The following VDAC2 variants were observed in gnomAD, a reference collection of about 807,000 sequenced individuals.
The protein encoded by VDAC2 is voltage dependent anion channel 2.
Under a neutral mutation model 36.6 loss-of-function variants are expected in VDAC2, and 6 were observed. The ratio of observed to expected loss-of-function variants is 0.16; its 90% CI spans 0.09 to 0.32. The LOEUF is 0.32. VDAC2 is among the 10% of genes least tolerant of loss of function. The pLI is 1.00. For missense variants in VDAC2, 247 were observed against 346.0 expected (o/e 0.71, Z 2.27); for synonymous variants, 109 against 123.8 (o/e 0.88, Z 0.79).
chr10:75,226,809 T>C (rs554310314), intron 8 of VDAC2, among the ~76,000 whole-genome samples: 30 of 152,320 alleles, frequency 2.0e-4, no homozygotes, highest in African/African-American at 6.0e-4. Flanking sequence ...TCTGAACTTA[T>C]GTTAATGAGG....
chr10:75,220,480 A>G (rs1163005317), intron 6 of VDAC2, among the ~76,000 whole-genome samples: 1 of 152,114 alleles, frequency 6.6e-6, no homozygotes, highest in African/African-American at 2.4e-5. Flanking sequence ...TTGTTGTTGC[A>G]CTAACTTGGG....
At position 75,229,306 on chromosome 10, in the gene VDAC2, G is replaced by C. The variant is rs576913665; in HGVS notation, c.736-338G>C. On this transcript the variant is annotated intron_variant, in intron 8 of 9. Transcript: ENST00000332211. ...GTGTCACCTCTAGTGAGCCTGACTT[G>C]TACCACATTTTGGTCTGGTTTGTTG... is the stretch of plus-strand genomic sequence containing the variant. The C allele has an allele frequency of 3.9e-4, 70 of 177,808 alleles. No individual in the cohort carries two copies. The South Asian group carries it at 0.01, about 26-fold the overall frequency. The allele number at this position is 177,808 out of a possible 1,614,324, so 11.0% of individuals were successfully genotyped here.
At chr10:75,211,912 C>CT in intron 2 of VDAC2, among the ~76,000 whole-genome samples, 1 of 152,302 alleles carries the variant, frequency 6.6e-6, no homozygotes, top group South Asian at 2.1e-4. Flanking sequence ...ACATAAATAT[C>CT]CATACACACA....
rs928611528 is a variant in VDAC2 at position 75,229,688 on chromosome 10, G to T, written c.780G>T (p.Gln260His). The part of the protein sequence containing the change: ...NSSLIGVGYT[Q>H]TLRPGVKLTL... ...GCTTAATTGGAGTAGGCTATACTCA[G>T]ACTCTGAGGCCTGGTAAGTATTCTT... The change falls in exon 9 of 10, where the codon CAG becomes CAT. Residue 260 changes from glutamine to histidine, a missense_variant. Transcript: ENST00000332211. The T allele has an allele frequency of 1.2e-6, 2 of 1,604,328 alleles. No individual in the cohort carries two copies. Among genetic ancestry groups the T allele is most frequent in the Non-Finnish European group, 8.5e-7 (1 of 1,177,174 alleles).
Position 75,219,394 on chromosome 10 carries a change from G to A in VDAC2, c.356+38G>A, listed in dbSNP as rs747786724. On this transcript the variant is annotated intron_variant, in intron 6 of 9. Transcript: ENST00000332211. ...ATTTTTATCTGTATTACATTTAAAA[G>A]TATTTCTCTTTTGTATATTTAGAAA... The A allele has an allele frequency of 4.0e-6, 6 of 1,499,210 alleles. No individual in the cohort carries two copies. The South Asian group carries it at 6.3e-5, about 16-fold the overall frequency. 92.9% of individuals were successfully genotyped at this position (1,499,210 alleles called of 1,614,324 possible). A position where few individuals can be genotyped will look rare whatever the true frequency, so the allele number is the denominator to read the frequency against.
intron 4 of VDAC2, chr10:75,218,082 C>T: frequency 1.8e-5 from 7 of 379,716 alleles, no homozygotes; most frequent in South Asian, 4.7e-5. Flanking sequence ...AGGCAAGATG[C>T]TGTCTCAAAA....
chr10:75,211,600 A>T, intron 2 of VDAC2: 1 of 1,550,544 alleles, frequency 6.4e-7, no homozygotes, highest in Non-Finnish European at 8.7e-7. Context: ...TGGTGTAATG[A>T]GCTCAGATTG....
At chr10:75,211,567 C>T in intron 2 of VDAC2, 1 of 1,550,546 alleles carries the variant, frequency 6.4e-7, no homozygotes, top group Non-Finnish European at 8.7e-7. Flanking sequence ...AGGGCGTGGA[C>T]GTGCTTTGTG....
intron 3 of VDAC2, among the ~76,000 whole-genome samples, chr10:75,212,744 T>C (rs949371333): frequency 1.6e-4 from 25 of 152,206 alleles, no homozygotes; most frequent in Non-Finnish European, 2.9e-5. Flanking sequence ...ATTAAACTTA[T>C]GTGAAAATAG....
intron 4 of VDAC2, chr10:75,218,086 C>T: frequency 3.1e-5 from 10 of 321,616 alleles, no homozygotes; most frequent in Non-Finnish European, 4.9e-5. Context: ...AAGATGCTGT[C>T]TCAAAAAAAA....
Position 75,210,850 on chromosome 10 carries a change from TGCTGGA to T in VDAC2, c.-109_-104del. ...TGTCTCCTTCACTTCGCCCTCCAGC[TGCTGGA>T]GCTGCAGCCCGACCGCGAGCGTGCC... On this transcript the variant is annotated 5_prime_UTR_variant, in exon 1 of 10. Transcript: ENST00000332211. 1 of 326,122 alleles carries T rather than the reference TGCTGGA, an allele frequency of 3.1e-6. No individual in the cohort carries two copies. The highest frequency in any genetic ancestry group is 5.0e-5 in the East Asian group (1 of 19,954). 20.2% of individuals were successfully genotyped at this position (326,122 alleles called of 1,614,324 possible).
At chr10:75,226,269 C>T (rs535101801) in intron 8 of VDAC2, among the ~76,000 whole-genome samples, 6 of 152,108 alleles carry the variant, frequency 3.9e-5, no homozygotes, top group Non-Finnish European at 7.4e-5. Context: ...AGGGGGTGGC[C>T]TATGATACTA....
At chr10:75,217,844 C>CT (rs1841653540) in intron 4 of VDAC2, 1 of 1,171,010 alleles carries the variant, frequency 8.5e-7, no homozygotes, top group Non-Finnish European at 1.1e-6. Context: ...GTTGACTGGC[C>CT]TTTCCTCCTA....
At chr10:75,228,040 G>A (rs1842009854) in intron 8 of VDAC2, among the ~76,000 whole-genome samples, 1 of 151,550 alleles carries the variant, frequency 6.6e-6, no homozygotes, top group Non-Finnish European at 1.5e-5. Flanking sequence ...GACTATAGGT[G>A]CCCACCACCA....
rs376526815 is a variant in VDAC2, at chr10:75,220,980, T to G, written c.584+10T>G. Reference sequence around the variant, plus strand: ...AGCTACACACTAATGTGTAAGTATTTCTTTCATAGGATACTGTGATGTGGG... The same window carrying G: ...AGCTACACACTAATGTGTAAGTATTGCTTTCATAGGATACTGTGATGTGGG... On this transcript the variant is annotated intron_variant, in intron 7 of 9. Coordinates refer to ENST00000332211, the MANE Select transcript of VDAC2 (RefSeq NM_001391963.1). 13 of 1,609,368 alleles carry G rather than the reference T, an allele frequency of 8.1e-6. No individual in the cohort carries two copies. The highest frequency in any genetic ancestry group is 1.0e-5 in the Non-Finnish European group (12 of 1,176,402).
chr10:75,224,923 G>T (rs56017452), intron 8 of VDAC2, among the ~76,000 whole-genome samples: 1,529 of 152,280 alleles, frequency 0.01, 26 homozygotes, highest in African/African-American at 0.035. Flanking sequence ...GCTGACAAAT[G>T]GGGAAGGGTA....
At chr10:75,214,199 A>ATT in intron 4 of VDAC2, 129 bp downstream of exon 4, 1 of 925,772 alleles carries the variant, frequency 1.1e-6, no homozygotes, top group Non-Finnish European at 1.6e-6. Context: ...GTTTTAAGAG[A>ATT]TTTGCGTGTA....
rs537006093 is a variant in VDAC2 at position 75,211,790 on chromosome 10, T to C, written c.32-440T>C. 8 of 1,185,996 alleles carry C rather than the reference T, an allele frequency of 6.7e-6. No homozygotes were observed. The South Asian group carries it at 1.1e-4, about 17-fold the overall frequency. The allele number at this position is 1,185,996 out of a possible 1,614,324, so 73.5% of individuals were successfully genotyped here. A position where few individuals can be genotyped will look rare whatever the true frequency, so the allele number is the denominator to read the frequency against. ...TTCTCTTCCCACTCCAGGGTGTTGG[T>C]TTTCCCCTCAGCGAAGATATTAAAG... is the stretch of plus-strand genomic sequence containing the variant. On this transcript the variant is annotated intron_variant, in intron 2 of 9. Coordinates refer to ENST00000332211, the MANE Select transcript of VDAC2 (RefSeq NM_001391963.1).
intron 7 of VDAC2, 114 bp from the exon 8 acceptor site, chr10:75,222,138 A>G (rs1179460248): frequency 7.7e-6 from 9 of 1,165,450 alleles, no homozygotes; most frequent in Admixed American, 2.8e-5. Context: ...GTGGAACACT[A>G]AAGACCCACT....
Sources: allele counts gnomAD v4.1 joint callset (sites outside exome capture counted in the v4.1 genomes callset), GRCh38; gene constraint gnomAD v4.1.1; transcripts MANE v1.5; gene names NCBI Gene and HGNC (gene_info 2026-07-23, HGNC 2026-07-21).